PAQR8: variants seen among roughly 807,000 people sequenced by gnomAD.
PAQR8 encodes membrane progestin receptor beta.
In PAQR8, 17 loss-of-function variants were observed where a neutral mutation model predicts 25.2. The observed-to-expected ratio is 0.67, with a 90% confidence interval of 0.46 to 1.01. PAQR8 has a LOEUF of 1.01. Among genes scored for constraint, PAQR8 ranks in the 50% least tolerant of loss-of-function variants. PAQR8 has a pLI of 0.00. For missense variants in PAQR8, 392 were observed against 448.4 expected, an observed-to-expected ratio of 0.87 and a Z score of 1.14; for synonymous variants, 204 against 190.6, an observed-to-expected ratio of 1.07 and a Z score of -0.58.
At position 52,362,283 on chromosome 6, in the gene PAQR8, G is replaced by T. The variant is rs1763298710; in HGVS notation, c.-53+34G>T. Reference sequence around the variant, plus strand: ...CGCCGCGGGAGGCGCGGAACGGGTCGAGTTGGGTATTGGGACCGCGAGGTC... The same window carrying T: ...CGCCGCGGGAGGCGCGGAACGGGTCTAGTTGGGTATTGGGACCGCGAGGTC... On this transcript the variant is annotated intron_variant, in intron 1 of 1. Transcript: ENST00000442253. The surrounding 1 kb of genome is among the most constrained non-coding windows in gnomAD (Gnocchi z 4.1). 6.6e-6 allele frequency: 1 copy of T among 152,316 alleles called. No individual in the cohort carries two copies. The highest frequency in any genetic ancestry group is 2.4e-5 in the African/African-American group (1 of 41,462). The allele number at this position is 152,316 out of a possible 1,614,324, so 9.4% of individuals were successfully genotyped here. A position where few individuals can be genotyped will look rare whatever the true frequency, so the allele number is the denominator to read the frequency against.
intron 1 of PAQR8, among the ~76,000 whole-genome samples, chr6:52,389,825 G>A (rs1763677826): frequency 6.6e-6 from 1 of 152,216 alleles, no homozygotes; most frequent in Admixed American, 6.5e-5. Flanking sequence ...CAGTGGAAAT[G>A]AGCAGCTCTC....
At position 52,403,733 on chromosome 6, in the gene PAQR8, C is replaced by T. The variant is rs201072442; in HGVS notation, c.520C>T (p.Arg174Trp). The part of the protein sequence containing the change: ...FYSSDQAWYD[R>W]FWLFFLPAAA... ...CAGCTCTGACCAGGCCTGGTATGAC[C>T]GGTTCTGGCTTTTCTTCTTGCCAGC... Residue 174 changes from arginine to tryptophan, a missense_variant, in exon 2 of 2, where the codon CGG becomes TGG. Transcript: ENST00000442253. 273 of 1,614,212 alleles carry T rather than the reference C, an allele frequency of 1.7e-4. No homozygotes were observed. The highest frequency in any genetic ancestry group is 4.9e-4 in the Middle Eastern group (3 of 6,062).
intron 1 of PAQR8, among the ~76,000 whole-genome samples, chr6:52,377,970 C>T (rs1763504368): frequency 6.6e-6 from 1 of 152,092 alleles, no homozygotes; most frequent in Admixed American, 6.5e-5. Context: ...AAAGCATTTC[C>T]TGAATAGCAT....
chr6:52,394,151 AGT>A (rs1763741512), intron 1 of PAQR8, among the ~76,000 whole-genome samples: 2 of 152,120 alleles, frequency 1.3e-5, no homozygotes. Context: ...CAGATGGAGG[AGT>A]TGGCCAGGAG....
intron 1 of PAQR8, among the ~76,000 whole-genome samples, chr6:52,364,087 T>TTTTTTTTTG (rs1554254737): frequency 1.1e-4 from 16 of 141,964 alleles, no homozygotes; most frequent in Non-Finnish European, 2.3e-4. Flanking sequence ...AGATATGTTT[T>TTTTTTTTTG]TTTTTTTTTT....
At chr6:52,398,268 G>A (rs976728877) in intron 1 of PAQR8, among the ~76,000 whole-genome samples, 10 of 146,408 alleles carry the variant, frequency 6.8e-5, no homozygotes, top group African/African-American at 1.5e-4. Context: ...GTGCAATGGC[G>A]TGATCTTGGC....
intron 1 of PAQR8, among the ~76,000 whole-genome samples, chr6:52,391,672 G>C (rs528444526): frequency 6.6e-6 from 1 of 152,346 alleles, no homozygotes; most frequent in South Asian, 2.1e-4. Context: ...CTGGCTCAAA[G>C]GCTGCTTAAA....
chr6:52,371,803 G>A (rs988287513), intron 1 of PAQR8, among the ~76,000 whole-genome samples: 1 of 152,220 alleles, frequency 6.6e-6, no homozygotes, highest in Non-Finnish European at 1.5e-5. Context: ...CCTTAGGAGG[G>A]AGATATCCCA....
At chr6:52,373,704 GGA>G (rs1416355440) in intron 1 of PAQR8, 1 of 152,200 alleles carries the variant, frequency 6.6e-6, no homozygotes, top group Non-Finnish European at 1.5e-5. Context: ...TAGGGTAGAG[GGA>G]GAGATTGGAT....
intron 1 of PAQR8, among the ~76,000 whole-genome samples, chr6:52,385,436 A>C (rs1183151871): frequency 6.6e-6 from 1 of 152,218 alleles, no homozygotes. Flanking sequence ...GTAAGACCTC[A>C]AACTATAAAC....
intron 1 of PAQR8, among the ~76,000 whole-genome samples, chr6:52,379,619 CTTTTT>C (rs909812638): frequency 9.1e-5 from 7 of 77,234 alleles, no homozygotes; most frequent in Non-Finnish European, 1.3e-4. Flanking sequence ...ACCCAGCTTT[CTTTTT>C]TTTTTTTTTT....
In PAQR8 at chr6:52,404,252, G is replaced by A. The variant is rs1042597060; in HGVS notation, c.1039G>A (p.Ala347Thr). ...AGCCCTTCTGAGGCACAAAGTCAAG[G>A]CCAGACTGACCAAGAAAGATTCCTG... The part of the protein sequence containing the change: ...TAALLRHKVK[A>T]RLTKKDS The change falls in exon 2 of 2, where the codon GCC becomes ACC. Residue 347 changes from alanine (A) to threonine (T), a missense_variant. By Grantham distance (58) the Ala-to-Thr change is moderately conservative. Coordinates refer to ENST00000442253, the MANE Select transcript of PAQR8 (RefSeq NM_133367.5). The A allele has an allele frequency of 1.2e-6, 2 of 1,602,360 alleles. No homozygotes were observed. Among genetic ancestry groups the A allele is most frequent in the South Asian group, 2.2e-5 (2 of 90,646 alleles).
chr6:52,399,843 T>C (rs1763810589), intron 1 of PAQR8, among the ~76,000 whole-genome samples: 1 of 152,182 alleles, frequency 6.6e-6, no homozygotes, highest in South Asian at 2.1e-4. Flanking sequence ...CCCCAGATTA[T>C]ATGTTGCTAA....
intron 1 of PAQR8, among the ~76,000 whole-genome samples, chr6:52,376,334 A>AG (rs990682535): frequency 6.6e-6 from 1 of 152,178 alleles, no homozygotes; most frequent in African/African-American, 2.4e-5. Context: ...CCTGTCTCTA[A>AG]GAGGCTTGAC....
At chr6:52,386,230 G>A (rs904413228) in intron 1 of PAQR8, among the ~76,000 whole-genome samples, 3 of 152,148 alleles carry the variant, frequency 2.0e-5, no homozygotes, top group African/African-American at 4.8e-5. Context: ...GTTAGGGAAC[G>A]TTTATACAGT....
intron 1 of PAQR8, among the ~76,000 whole-genome samples, chr6:52,383,102 G>T (rs1008631337): frequency 6.6e-6 from 1 of 152,162 alleles, no homozygotes; most frequent in Admixed American, 6.5e-5. Flanking sequence ...GAGAGAAGAG[G>T]ACAAACAGAT....
intron 1 of PAQR8, among the ~76,000 whole-genome samples, chr6:52,380,298 C>T (rs1763544167): frequency 1.3e-5 from 2 of 152,180 alleles, no homozygotes; most frequent in Admixed American, 6.5e-5. Context: ...GTGTCTAAAT[C>T]TGCCAGGGTC....
intron 1 of PAQR8, among the ~76,000 whole-genome samples, chr6:52,392,910 A>C (rs917143144): frequency 1.1e-4 from 16 of 152,194 alleles, no homozygotes; most frequent in African/African-American, 3.9e-4. Flanking sequence ...TTACAAGTAA[A>C]CTCAGTGTCA....
chr6:52,388,821 G>A (rs190494095), intron 1 of PAQR8, among the ~76,000 whole-genome samples: 107 of 152,312 alleles, frequency 7.0e-4, no homozygotes, highest in Non-Finnish European at 1.2e-3. Flanking sequence ...TCAGGCTGTC[G>A]CTAAGCTTCA....
Sources: allele counts gnomAD v4.1 joint callset (sites outside exome capture counted in the v4.1 genomes callset), GRCh38; gene constraint gnomAD v4.1.1; non-coding constraint Gnocchi (gnomAD v3.1); transcripts MANE v1.5; gene names NCBI Gene and HGNC (gene_info 2026-07-23, HGNC 2026-07-21).